Variants in WDPCP observed in about 807,000 individuals in gnomAD.
The protein encoded by WDPCP is WD repeat containing planar cell polarity effector.
Under a neutral mutation model 93.1 loss-of-function variants are expected in WDPCP, and 71 were observed. That is an observed-to-expected ratio of 0.76 (90% CI 0.63 to 0.93). The LOEUF is 0.93. Among genes scored for constraint, WDPCP ranks in the 40% least tolerant of loss-of-function variants. WDPCP has a pLI of 0.00. For synonymous variants in WDPCP, 315 were observed against 315.0 expected (o/e 1.00, Z 0.00); for missense variants, 844 against 887.4 (o/e 0.95, Z 0.62).
intron 6 of WDPCP, among the ~76,000 whole-genome samples, chr2:63,445,182 T>G (rs981013304): frequency 6.6e-6 from 1 of 151,746 alleles, no homozygotes; most frequent in Non-Finnish European, 1.5e-5. Flanking sequence ...CTCCTACATG[T>G]CAGGAAACAA....
chr2:63,743,081 G>A (rs1277436092), intron 2 of WDPCP, among the ~76,000 whole-genome samples: 4 of 151,996 alleles, frequency 2.6e-5, no homozygotes, highest in Non-Finnish European at 5.9e-5. Flanking sequence ...GAGTAAACAA[G>A]GCTTGGAGGG....
intron 2 of WDPCP, 131 bp downstream of exon 2, chr2:63,492,725 C>A: frequency 1.3e-6 from 1 of 789,702 alleles, no homozygotes; most frequent in South Asian, 1.8e-5. Context: ...TTCCATTAAC[C>A]AATTTTTCAT....
intron 2 of WDPCP, among the ~76,000 whole-genome samples, chr2:63,693,946 T>C (rs1668926905): frequency 6.6e-6 from 1 of 152,206 alleles, no homozygotes; most frequent in Non-Finnish European, 1.5e-5. Flanking sequence ...GATTTATGTA[T>C]TTCTGCTAAT....
chr2:63,253,056 C>G (rs1183718401), intron 14 of WDPCP, among the ~76,000 whole-genome samples: 1 of 151,946 alleles, frequency 6.6e-6, no homozygotes, highest in East Asian at 1.9e-4. Flanking sequence ...AGTAGTAGTA[C>G]AAAAACAGAC....
intron 17 of WDPCP, among the ~76,000 whole-genome samples, chr2:63,140,460 C>T (rs986556632): frequency 1.3e-5 from 2 of 151,944 alleles, no homozygotes; most frequent in East Asian, 1.9e-4. Flanking sequence ...GATGTGTTTC[C>T]GTTTGTTTGC....
chr2:63,840,712 A>G, the WDPCP span, among the ~76,000 whole-genome samples: 1 of 152,230 alleles, frequency 6.6e-6, no homozygotes, highest in African/African-American at 2.4e-5. Flanking sequence ...CTGATTGGAA[A>G]AATAACCAGT....
intron 14 of WDPCP, chr2:63,228,616 T>C (rs902185705): frequency 6.6e-6 from 1 of 151,824 alleles, no homozygotes; most frequent in Non-Finnish European, 1.5e-5. Flanking sequence ...CGGTGTGTGA[T>C]GTTCCCCTTC....
At chr2:63,364,936 A>T (rs1435379154) in intron 12 of WDPCP, among the ~76,000 whole-genome samples, 1 of 152,176 alleles carries the variant, frequency 6.6e-6, no homozygotes, top group Non-Finnish European at 1.5e-5. Flanking sequence ...TCACAAGTAA[A>T]CCCTGCCATT....
chr2:63,716,159 AAGGGAC>A (rs1669334475), intron 2 of WDPCP, among the ~76,000 whole-genome samples: 1 of 152,206 alleles, frequency 6.6e-6, no homozygotes, highest in Non-Finnish European at 1.5e-5. Flanking sequence ...ATGAGCTCTG[AAGGGAC>A]AGTCCACTTC....
intron 6 of WDPCP, chr2:63,440,613 A>G (rs940626412): frequency 6.6e-6 from 1 of 152,574 alleles, no homozygotes; most frequent in Non-Finnish European, 1.5e-5. Flanking sequence ...TAATTCATTC[A>G]TCTCCAAATG....
At chr2:63,231,232 G>A (rs898547016) in intron 14 of WDPCP, among the ~76,000 whole-genome samples, 4 of 152,132 alleles carry the variant, frequency 2.6e-5, no homozygotes, top group Admixed American at 2.6e-4. Flanking sequence ...CATACCGAAT[G>A]GGCAAACACT....
chr2:63,493,549 G>T (rs954584206), intron 1 of WDPCP, among the ~76,000 whole-genome samples: 48 of 144,406 alleles, frequency 3.3e-4, no homozygotes, highest in South Asian at 1.1e-3. Context: ...ATTCTATGGG[G>T]TTTTTTTTTT....
At chr2:63,173,145 G>A (rs917967197) in intron 15 of WDPCP, among the ~76,000 whole-genome samples, 6 of 151,954 alleles carry the variant, frequency 3.9e-5, no homozygotes, top group African/African-American at 1.5e-4. Flanking sequence ...GTGGGCACCT[G>A]TAATCCCAGC....
At chr2:63,733,874 TA>T (rs1003392132) in intron 2 of WDPCP, among the ~76,000 whole-genome samples, 1 of 151,902 alleles carries the variant, frequency 6.6e-6, no homozygotes, top group African/African-American at 2.4e-5. Context: ...TTCATCACCA[TA>T]AAAAAAACCT....
chr2:63,725,130 T>C (rs759406476), intron 2 of WDPCP, among the ~76,000 whole-genome samples: 4 of 152,206 alleles, frequency 2.6e-5, no homozygotes, highest in South Asian at 2.1e-4. Context: ...TTTTGGTTTA[T>C]AGATTATTTC....
intron 5 of WDPCP, 46 bp from the exon 6 acceptor site, chr2:63,484,709 T>G (rs1258367599): frequency 4.3e-6 from 7 of 1,609,906 alleles, no homozygotes; most frequent in East Asian, 2.2e-5. Context: ...CTGTACACAT[T>G]GTCATTATCA....
chr2:63,227,668 G>GGCA (rs2104527286), intron 14 of WDPCP, among the ~76,000 whole-genome samples: 1 of 152,030 alleles, frequency 6.6e-6, no homozygotes, highest in East Asian at 1.9e-4. Context: ...GTCTGAGTCT[G>GGCA]TGTCCTCATT....
At chr2:63,341,427 C>T (rs1443232150) in intron 12 of WDPCP, among the ~76,000 whole-genome samples, 1 of 152,228 alleles carries the variant, frequency 6.6e-6, no homozygotes, top group African/African-American at 2.4e-5. Flanking sequence ...CCACGCCCAG[C>T]CCCAGACTTG....
chr2:63,291,258 G>A (rs1194479196), intron 13 of WDPCP, among the ~76,000 whole-genome samples: 1 of 151,840 alleles, frequency 6.6e-6, no homozygotes, highest in Admixed American at 6.6e-5. Flanking sequence ...CAATCATTAT[G>A]TTCATCATTT....
Sources: gnomAD v4.1 joint callset for allele counts (sites outside exome capture counted in the v4.1 genomes callset) on GRCh38, gnomAD v4.1.1 for gene constraint, MANE v1.5 for transcripts, NCBI Gene and HGNC (gene_info 2026-07-23, HGNC 2026-07-21) for gene names.